Variants in MYLK4 observed in about 807,000 individuals in gnomAD.
MYLK4 encodes the protein myosin light chain kinase family member 4, also known as caMLCK like.
A neutral mutation model predicts 48.1 loss-of-function variants in MYLK4; 46 were observed. The observed-to-expected ratio is 0.96, with a 90% CI of 0.75 to 1.22. The LOEUF (loss-of-function observed/expected upper bound fraction) is 1.22, where lower values mean the gene tolerates loss of function less well. MYLK4 is among the 50% of genes most tolerant of loss of function. The probability of loss-of-function intolerance (pLI) is 0.00; values close to 1 mark genes in which losing one functional copy is unlikely to be tolerated. For synonymous variants in MYLK4, 170 were observed against 180.8 expected, an observed-to-expected ratio of 0.94 and a Z score of 0.48; for missense variants, 451 against 486.1, an observed-to-expected ratio of 0.93 and a Z score of 0.68.
At position 2,667,800 on chromosome 6, in the gene MYLK4, C is replaced by T. The variant is rs1760717234; in HGVS notation, c.*125G>A. The T allele has an allele frequency of 1.3e-5, 2 of 152,558 alleles. No individual in the cohort carries two copies. The highest frequency in any genetic ancestry group is 2.9e-5 in the Non-Finnish European group (2 of 68,026). 9.5% of individuals were successfully genotyped at this position (152,558 alleles called of 1,614,324 possible). A position where few individuals can be genotyped will look rare whatever the true frequency, so the allele number is the denominator to read the frequency against. ...AAGTTCACATTCAGGGTCGAGGGCT[C>T]CCCCTGCTAAGACTACCAGGTCATC... On this transcript the variant is annotated 3_prime_UTR_variant, in exon 13 of 13. Coordinates refer to ENST00000274643, the MANE Select transcript of MYLK4 (RefSeq NM_001012418.5).
At position 2,664,420 on chromosome 6, in the gene MYLK4, C is replaced by G. The variant is rs1429452100; in HGVS notation, c.*3505G>C. 1 of 152,220 alleles carries G rather than the reference C, an allele frequency of 6.6e-6. No homozygotes were observed. The highest frequency in any genetic ancestry group is 2.4e-5 in the African/African-American group (1 of 41,458). The allele number at this position is 152,220 out of a possible 1,614,324, so 9.4% of individuals were successfully genotyped here. ...ATGCTGCCTCTCACTTGTGCTTTTA[C>G]AAGCGGACTTTCAACCGGGGTTCTG... On this transcript the variant is annotated 3_prime_UTR_variant, in exon 13 of 13. Transcript: ENST00000274643.
the MYLK4 span, among the ~76,000 whole-genome samples, chr6:2,764,683 G>A: frequency 1.3e-5 from 2 of 152,156 alleles, no homozygotes; most frequent in African/African-American, 4.8e-5. Flanking sequence ...CCCATCATTT[G>A]GTTGCTAAGG....
At chr6:2,753,023 T>C (rs908882725), upstream of MYLK4, among the ~76,000 whole-genome samples, 8 of 152,218 alleles carry the variant, frequency 5.3e-5, no homozygotes, top group African/African-American at 1.9e-4. Flanking sequence ...TAAAATGTTC[T>C]GCATGCTTAA....
chr6:2,770,145 G>A, the MYLK4 span: 1 of 1,614,236 alleles, frequency 6.2e-7, no homozygotes, highest in South Asian at 1.1e-5. Flanking sequence ...CACGTGGAAT[G>A]TGGGACGATC....
chr6:2,697,689 C>A (rs756743343), intron 2 of MYLK4, among the ~76,000 whole-genome samples: 3 of 152,192 alleles, frequency 2.0e-5, no homozygotes, highest in African/African-American at 4.8e-5. Flanking sequence ...AATGGTAAAA[C>A]GGATTTGTCC....
At chr6:2,720,932 G>A (rs906342768) in intron 2 of MYLK4, among the ~76,000 whole-genome samples, 22 of 152,176 alleles carry the variant, frequency 1.4e-4, no homozygotes, top group African/African-American at 5.3e-4. Flanking sequence ...GGAGGTTGAG[G>A]TGGGTGGATC....
At chr6:2,720,799 A>G (rs1763041733) in intron 2 of MYLK4, among the ~76,000 whole-genome samples, 1 of 152,168 alleles carries the variant, frequency 6.6e-6, no homozygotes, top group Non-Finnish European at 1.5e-5. Flanking sequence ...GCAAAAAGAC[A>G]GGAAACGTAA....
chr6:2,745,118 C>A (rs6927195), intron 2 of MYLK4, among the ~76,000 whole-genome samples: 1,708 of 151,880 alleles, frequency 0.011, 18 homozygotes, highest in Non-Finnish European at 0.016. Context: ...GGTGGTACAC[C>A]GAGGAAAGCA....
chr6:2,760,717 GAAAT>G, the MYLK4 span, among the ~76,000 whole-genome samples: 1 of 152,078 alleles, frequency 6.6e-6, no homozygotes, highest in South Asian at 2.1e-4. Flanking sequence ...GGCCAAGTAT[GAAAT>G]AAATTAACAA....
chr6:2,684,966 T>C (rs757148877), intron 6 of MYLK4, among the ~76,000 whole-genome samples: 1 of 152,020 alleles, frequency 6.6e-6, no homozygotes, highest in Non-Finnish European at 1.5e-5. Flanking sequence ...TTTGTATTAG[T>C]GAATATGTTG....
rs1398927532 is a variant in MYLK4, at chr6:2,663,776, G to T, written c.*4149C>A. ...ATGATAGACACAATCACCACGTTAT[G>T]AATCCTTTTTTTAATTTCTTATCAA... On this transcript the variant is annotated 3_prime_UTR_variant, in exon 13 of 13. Transcript: ENST00000274643. 6.6e-6 allele frequency: 1 copy of T among 152,558 alleles called. No individual in the cohort carries two copies. The highest frequency in any genetic ancestry group is 2.4e-5 in the African/African-American group (1 of 41,396). 9.5% of individuals were successfully genotyped at this position (152,558 alleles called of 1,614,324 possible).
intron 2 of MYLK4, 68 bp from the exon 3 acceptor site, chr6:2,692,927 GACACTTGC>G (rs1470150302): frequency 1.3e-4 from 184 of 1,391,824 alleles, no homozygotes; most frequent in Middle Eastern, 3.7e-4. Flanking sequence ...CAGCACTCCT[GACACTTGC>G]GCTGGATGAT....
chr6:2,734,931 C>T (rs950402885), intron 2 of MYLK4, among the ~76,000 whole-genome samples: 1 of 152,200 alleles, frequency 6.6e-6, no homozygotes, highest in Non-Finnish European at 1.5e-5. Context: ...TTGTAGCCAG[C>T]TCCCAGGGAA....
the MYLK4 span, among the ~76,000 whole-genome samples, chr6:2,757,604 A>AT: frequency 4.4e-5 from 6 of 136,080 alleles, no homozygotes. Context: ...GGATACTTCC[A>AT]TAAAAAAAAA....
rs200498368 is a variant in MYLK4, at chr6:2,665,926, TGTGTG to T, written c.*1994_*1998del. Reference sequence around the variant, plus strand: ...TCACAGGGTTTTGTGTGTGTGTGTGTGTGTGGTGTGTGTGTTTTAAGCAAACTAAA... The same window carrying T: ...TCACAGGGTTTTGTGTGTGTGTGTGTGTGTGTGTGTTTTAAGCAAACTAAA... On this transcript the variant is annotated 3_prime_UTR_variant, in exon 13 of 13. Coordinates refer to ENST00000274643, the MANE Select transcript of MYLK4 (RefSeq NM_001012418.5). 3.9e-4 allele frequency: 51 copies of T among 129,328 alleles called. No individual in the cohort carries two copies. The highest frequency in any genetic ancestry group is 8.2e-4 in the African/African-American group (29 of 35,432). The allele number at this position is 129,328 out of a possible 1,614,324, so 8.0% of individuals were successfully genotyped here. A position where few individuals can be genotyped will look rare whatever the true frequency, so the allele number is the denominator to read the frequency against.
the MYLK4 span, chr6:2,766,094 G>A: frequency 7.6e-7 from 1 of 1,316,280 alleles, no homozygotes; most frequent in Non-Finnish European, 9.6e-7. Flanking sequence ...GCGCAGCTGG[G>A]ACGAGGCGGA....
At chr6:2,728,546 G>C (rs530032325) in intron 2 of MYLK4, among the ~76,000 whole-genome samples, 100 of 152,278 alleles carry the variant, frequency 6.6e-4, no homozygotes, top group African/African-American at 2.2e-3. Flanking sequence ...CCATGTGCTT[G>C]CTGGTCCCTG....
chr6:2,710,383 A>T (rs2113246332), intron 2 of MYLK4, among the ~76,000 whole-genome samples: 1 of 152,338 alleles, frequency 6.6e-6, no homozygotes, highest in East Asian at 1.9e-4. Context: ...AACTTAAAAA[A>T]GTTACATTTT....
At chr6:2,757,851 T>C in the MYLK4 span, among the ~76,000 whole-genome samples, 1 of 152,200 alleles carries the variant, frequency 6.6e-6, no homozygotes, top group South Asian at 2.1e-4. Flanking sequence ...ATTTCCTTCT[T>C]AATGTAAAAA....
Sources: gnomAD v4.1 joint callset for allele counts (sites outside exome capture counted in the v4.1 genomes callset) on GRCh38, gnomAD v4.1.1 for gene constraint, MANE v1.5 for transcripts, NCBI Gene and HGNC (gene_info 2026-07-23, HGNC 2026-07-21) for gene names.